FARS2: variants seen among roughly 807,000 people sequenced by gnomAD.
FARS2 encodes phenylalanine--tRNA ligase, mitochondrial.
A neutral mutation model predicts 46.4 loss-of-function variants in FARS2; 40 were observed. The ratio of observed to expected loss-of-function variants is 0.86; its 90% CI spans 0.67 to 1.12. The LOEUF (loss-of-function observed/expected upper bound fraction) is 1.12, where lower values mean the gene tolerates loss of function less well. Among genes scored for constraint, FARS2 ranks in the 50% most tolerant of loss-of-function variants. The probability of loss-of-function intolerance (pLI) is 0.00; values close to 1 mark genes in which losing one functional copy is unlikely to be tolerated. For synonymous variants in FARS2, 234 were observed against 214.9 expected (o/e 1.09, Z -0.78); for missense variants, 513 against 567.9 (o/e 0.90, Z 0.98).
In FARS2 at chr6:5,462,103, A is replaced by G. The variant is rs1233263684; in HGVS notation, c.904+30931A>G. On this transcript the variant is annotated intron_variant, in intron 4 of 6. Transcript: ENST00000274680. ...CTGACTTTTTGAAAATAGGCATCCC[A>G]GTGAGTTTGTATCTCGTTAGTTTTA... is the stretch of plus-strand genomic sequence containing the variant. Among the ~76,000 whole-genome samples the G allele has an allele frequency of 5.9e-5, 9 of 152,208 alleles. No individual in the cohort carries two copies. The East Asian group carries it at 1.5e-3, about 26-fold the overall frequency.
Position 5,511,054 on chromosome 6 carries a change from A to G in FARS2, c.905-34126A>G, listed in dbSNP as rs77745706. On this transcript the variant is annotated intron_variant, in intron 4 of 6. Coordinates refer to ENST00000274680, the MANE Select transcript of FARS2 (RefSeq NM_006567.5). Reference sequence around the variant, plus strand: ...GGGGACTGAGCTTCCCTTCTCTCTCAAGACACAGGAGGGAGAAGGAGAGGC... The same window carrying G: ...GGGGACTGAGCTTCCCTTCTCTCTCGAGACACAGGAGGGAGAAGGAGAGGC... Among the ~76,000 whole-genome samples, 1,486 of 152,220 alleles carry G rather than the reference A, an allele frequency of 9.8e-3. 21 individuals are homozygous for G. The highest frequency in any genetic ancestry group is 0.033 in the African/African-American group (1,377 of 41,514).
intron 6 of FARS2, among the ~76,000 whole-genome samples, chr6:5,677,144 T>G (rs1194142394): frequency 2.0e-5 from 3 of 152,252 alleles, no homozygotes; most frequent in African/African-American, 7.2e-5. Context: ...CCAAAGATGA[T>G]TAACTTTCAT....
intron 6 of FARS2, among the ~76,000 whole-genome samples, chr6:5,746,342 A>C (rs1761641318): frequency 3.3e-5 from 5 of 152,128 alleles, no homozygotes; most frequent in Admixed American, 3.3e-4. Context: ...CTGTTACTCC[A>C]TACGGATGGT....
intron 3 of FARS2, among the ~76,000 whole-genome samples, chr6:5,407,464 A>T (rs928061623): frequency 6.6e-6 from 1 of 152,192 alleles, no homozygotes; most frequent in Admixed American, 6.5e-5. Context: ...TATATAAGAA[A>T]CCACTAGCTA....
At chr6:5,574,943 G>A (rs1340956546) in intron 5 of FARS2, among the ~76,000 whole-genome samples, 3 of 144,724 alleles carry the variant, frequency 2.1e-5, no homozygotes, top group South Asian at 2.1e-4. Context: ...TATATATTCC[G>A]TTTACGTTTG....
intron 6 of FARS2, among the ~76,000 whole-genome samples, chr6:5,706,197 C>G: frequency 6.6e-6 from 1 of 152,208 alleles, no homozygotes; most frequent in East Asian, 1.9e-4. Flanking sequence ...GAATCTAATA[C>G]TGCCGCTGAT....
At position 5,584,212 on chromosome 6, in the gene FARS2, G is replaced by A. The variant is rs1773495805; in HGVS notation, c.1066-28957G>A. Among the ~76,000 whole-genome samples, 4 of 151,934 alleles carry A rather than the reference G, an allele frequency of 2.6e-5. No homozygotes were observed. The South Asian group carries it at 8.3e-4, about 32-fold the overall frequency. ...CCCGACAGCATAAGAAGTTGGCGTA[G>A]AGTCAGCCCCTTCCCACTGCCTGTC... is the stretch of plus-strand genomic sequence containing the variant. On this transcript the variant is annotated intron_variant, in intron 5 of 6. Transcript: ENST00000274680.
At chr6:5,744,295 C>A (rs1761521376) in intron 6 of FARS2, among the ~76,000 whole-genome samples, 1 of 152,204 alleles carries the variant, frequency 6.6e-6, no homozygotes, top group Non-Finnish European at 1.5e-5. Context: ...TCCTCCTCCT[C>A]ATGAATCGAA....
At chr6:5,568,250 G>A (rs2150553365) in intron 5 of FARS2, among the ~76,000 whole-genome samples, 1 of 152,230 alleles carries the variant, frequency 6.6e-6, no homozygotes, top group Admixed American at 6.5e-5. Context: ...ATAGCAAGGG[G>A]GAAATGGTCC....
At chr6:5,740,880 T>C (rs1761289225) in intron 6 of FARS2, among the ~76,000 whole-genome samples, 2 of 152,240 alleles carry the variant, frequency 1.3e-5, no homozygotes, top group South Asian at 4.1e-4. Context: ...AGATTACTGC[T>C]GGCACACTCT....
intron 6 of FARS2, among the ~76,000 whole-genome samples, chr6:5,672,122 A>G (rs1187095954): frequency 6.6e-6 from 1 of 152,216 alleles, no homozygotes; most frequent in Non-Finnish European, 1.5e-5. Context: ...GGGAACAGCA[A>G]AGCCCCTTCA....
intron 5 of FARS2, among the ~76,000 whole-genome samples, chr6:5,569,288 G>T (rs915130325): frequency 6.6e-6 from 1 of 151,150 alleles, no homozygotes; most frequent in East Asian, 1.9e-4. Context: ...CCAGGCTGGA[G>T]TGCAGTGGCA....
chr6:5,391,017 A>T (rs1760473831), intron 2 of FARS2, among the ~76,000 whole-genome samples: 1 of 152,244 alleles, frequency 6.6e-6, no homozygotes, highest in African/African-American at 2.4e-5. Context: ...AATAGGAATG[A>T]TATAACTAGG....
intron 2 of FARS2, among the ~76,000 whole-genome samples, chr6:5,372,400 A>G (rs185176185): frequency 3.3e-5 from 5 of 152,220 alleles, no homozygotes; most frequent in Admixed American, 3.3e-4. Context: ...ATGCACATAC[A>G]TGGAGTTTTA....
In FARS2 at chr6:5,545,899, G is replaced by A. The variant is rs141419631; in HGVS notation, c.1065+559G>A. Among the ~76,000 whole-genome samples the A allele has an allele frequency of 7.2e-4, 110 of 152,212 alleles. 4 individuals are homozygous for A. Among genetic ancestry groups the A allele is most frequent in the African/African-American group, 2.6e-3 (109 of 41,524 alleles). ...TCTCAGCACTTTGGGAGGCCAAGACGGGTGGATCACCTGAGGTCAAGAGTT... is the reference window on the plus strand; with the variant it reads ...TCTCAGCACTTTGGGAGGCCAAGACAGGTGGATCACCTGAGGTCAAGAGTT... On this transcript the variant is annotated intron_variant, in intron 5 of 6. Coordinates refer to ENST00000274680, the MANE Select transcript of FARS2 (RefSeq NM_006567.5).
rs1770905150 is a variant in FARS2 at position 5,545,347 on chromosome 6, T to C, written c.1065+7T>C. ...TCAGAAGGTGAAGTTTCAGGTAAGA[T>C]GACTTGCAAGAACTGAATAGATAAT... On this transcript the variant is annotated splice_region_variant and intron_variant, in intron 5 of 6. Transcript: ENST00000274680. The C allele has an allele frequency of 6.2e-7, 1 of 1,612,448 alleles. No individual in the cohort carries two copies. The highest frequency in any genetic ancestry group is 1.3e-5 in the African/African-American group (1 of 74,898).
At chr6:5,327,430 G>A (rs190958001) in intron 1 of FARS2, among the ~76,000 whole-genome samples, 2 of 152,268 alleles carry the variant, frequency 1.3e-5, no homozygotes, top group Admixed American at 1.3e-4. Flanking sequence ...TGTCATGGGA[G>A]GGACCTGGTG....
intron 6 of FARS2, among the ~76,000 whole-genome samples, chr6:5,714,685 G>A (rs1214750058): frequency 6.6e-6 from 1 of 152,018 alleles, no homozygotes; most frequent in Non-Finnish European, 1.5e-5. Flanking sequence ...GAAGAAATGG[G>A]CACTCCTGAA....
chr6:5,629,967 G>A (rs1421772087), intron 6 of FARS2, among the ~76,000 whole-genome samples: 1 of 152,190 alleles, frequency 6.6e-6, no homozygotes, highest in Non-Finnish European at 1.5e-5. Flanking sequence ...GGGCAGCAGT[G>A]CTTTGGTGGA....
Sources: allele counts gnomAD v4.1 joint callset (sites outside exome capture counted in the v4.1 genomes callset), GRCh38; gene constraint gnomAD v4.1.1; transcripts MANE v1.5; gene names NCBI Gene and HGNC (gene_info 2026-07-23, HGNC 2026-07-21).